HELZ2: variants seen among roughly 807,000 people sequenced by gnomAD.
HELZ2 encodes the protein 3'-5' exoribonuclease HELZ2.
HELZ2 carries 143 observed loss-of-function variants against 208.8 expected under a neutral mutation model. That is an observed-to-expected ratio of 0.68 (90% CI 0.60 to 0.79). The LOEUF is 0.79. Ranked by LOEUF, HELZ2 falls within the 30% of genes least tolerant of loss-of-function variation. HELZ2 has a pLI of 0.00. For missense variants in HELZ2, 3,690 were observed against 3,794.5 expected (o/e 0.97, Z 0.72); for synonymous variants, 1,705 against 1,693.7 (o/e 1.01, Z -0.16).
At chr20:63,559,368 C>A in exon 19 of HELZ2, 1 of 1,593,352 alleles carries the variant, frequency 6.3e-7, no homozygotes, top group South Asian at 1.1e-5. Context: ...AGGAGGTGGT[C>A]TCCTGTGAGG....
chr20:63,559,623 GTCA>G, intron 18 of HELZ2, among the ~76,000 whole-genome samples: 1 of 83,904 alleles, frequency 1.2e-5, no homozygotes, highest in Admixed American at 9.5e-5. Flanking sequence ...ATGGGAGTCA[GTCA>G]GAGTCAGGTG....
intron 17 of HELZ2, 30 bp from the exon 19 acceptor site, chr20:63,560,125 C>A: frequency 6.4e-7 from 1 of 1,558,522 alleles, no homozygotes; most frequent in South Asian, 1.2e-5. Flanking sequence ...GCCCTGCTGC[C>A]GCTGCGCCCA....
chr20:63,573,938 C>T (rs2083035263), upstream of HELZ2, among the ~76,000 whole-genome samples: 4 of 152,196 alleles, frequency 2.6e-5, no homozygotes, highest in South Asian at 2.1e-4. The surrounding 1 kb of genome is among the most constrained non-coding windows in gnomAD (Gnocchi z 4.9). Context: ...CAAAATCCTG[C>T]GCTCCAGTGG....
chr20:63,565,704 C>T (rs756974759), exon 8 of HELZ2: 1 of 1,607,950 alleles, frequency 6.2e-7, no homozygotes, highest in South Asian at 1.1e-5. Context: ...GCTCCTGCCG[C>T]ACAGGCCCCG....
At position 63,561,753 on chromosome 20, in the gene HELZ2, T is replaced by C; in HGVS notation, c.6692-8A>G. On this transcript the variant is annotated splice_region_variant and splice_polypyrimidine_tract_variant and intron_variant, in intron 11 of 18. Transcript: ENST00000467148. ...TCCTTCTCAGGAGCAGTCCTGAGGG[T>C]AGTTGGGGGACGTGAGTCCTGCCCC... The C allele has an allele frequency of 6.3e-7, 1 of 1,585,904 alleles. No individual in the cohort carries two copies. The highest frequency in any genetic ancestry group is 8.6e-7 in the Non-Finnish European group (1 of 1,163,740).
At chr20:63,561,145 C>T in exon 14 of HELZ2, 1 of 1,613,038 alleles carries the variant, frequency 6.2e-7, no homozygotes, top group Non-Finnish European at 8.5e-7. Flanking sequence ...CCATGCCTGC[C>T]TCGTCAACAA....
At chr20:63,572,142 G>C (rs868302476) in exon 1 of HELZ2, 1 of 1,611,568 alleles carries the variant, frequency 6.2e-7, no homozygotes. Flanking sequence ...AGTCCCGGGG[G>C]TGGGGAACGG....
chr20:63,560,250 C>T lies in HELZ2; in HGVS notation c.7578G>A (p.Ala2526=), dbSNP rs112998390. ...GGGCCTTGCTGATCTCAGAGGCCTG[C>T]GCGTTGTAGGGCGTGAGGACGGCGA... is the stretch of plus-strand genomic sequence containing the variant. The change falls in exon 17 of 19, where the codon GCG becomes GCA. Residue 2526 remains alanine, a synonymous_variant. Transcript: ENST00000467148. The T allele has an allele frequency of 5.3e-4, 835 of 1,560,932 alleles. 2 individuals are homozygous for T. The African/African-American group carries it at 8.9e-3, about 17-fold the overall frequency.
exon 8 of HELZ2, chr20:63,563,089 G>C: frequency 6.3e-7 from 1 of 1,598,404 alleles, no homozygotes; most frequent in Non-Finnish European, 8.5e-7. Context: ...GCTCCAGGCA[G>C]AGGCTGAAGC....
At chr20:63,563,281 G>A (rs758097528) in exon 8 of HELZ2, 2 of 1,552,894 alleles carry the variant, frequency 1.3e-6, no homozygotes, top group Non-Finnish European at 8.6e-7. Context: ...CCTTCTCCTG[G>A]ATGAGAGCAG....
chr20:63,564,624 C>T lies in HELZ2; in HGVS notation c.4198G>A (p.Gly1400Ser), dbSNP rs774870231. 61 of 1,568,398 alleles carry T rather than the reference C, an allele frequency of 3.9e-5. No homozygotes were observed. The highest frequency in any genetic ancestry group is 1.9e-4 in the African/African-American group (14 of 73,986). The change falls in exon 8 of 19, where the codon GGC becomes AGC. Residue 1400 changes from glycine (G) to serine (S), a missense_variant. Transcript: ENST00000467148. ...GGCAGCATGGGCACTGGCTCCCTGC[C>T]GGGGGCATAGAACGCAGCGCCCTGC...
rs979236663 is a variant in HELZ2 at position 63,560,216 on chromosome 20, C to G, written c.7612G>C (p.Glu2538Gln). ...GACACGGCCACCCCGGCGATGCCCT[C>G]TCGCCGAAGGGCCTTGCTGATCTCA... Residue 2538 changes from glutamate to glutamine, a missense_variant, in exon 17 of 19, where the codon GAG becomes CAG. Glu to Gln is a conservative substitution (Grantham distance 29). This residue lies in a region of HELZ2 where 2,564 missense variants were observed against 2,580.5 expected (regional missense o/e 0.99). Transcript: ENST00000467148. 41 of 1,557,620 alleles carry G rather than the reference C, an allele frequency of 2.6e-5. No individual in the cohort carries two copies. The highest frequency in any genetic ancestry group is 3.5e-5 in the Non-Finnish European group (41 of 1,155,584).
At chr20:63,564,300 C>T (rs778386264) in exon 8 of HELZ2, 5 of 1,606,256 alleles carry the variant, frequency 3.1e-6, no homozygotes, top group Non-Finnish European at 4.2e-6. Context: ...TCCGGCTGCT[C>T]ATAGAAGCAG....
At chr20:63,574,207 C>T (rs1205811512), upstream of HELZ2, 2 of 151,704 alleles carry the variant, frequency 1.3e-5, no homozygotes, top group East Asian at 1.9e-4. Flanking sequence ...CCTGCCCTGC[C>T]GAGCCTGCCC....
At chr20:63,564,728 C>T in exon 8 of HELZ2, 2 of 1,610,998 alleles carry the variant, frequency 1.2e-6, no homozygotes, top group Non-Finnish European at 1.7e-6. Flanking sequence ...CACCTCGCAC[C>T]TGGGACCCAG....
In HELZ2 at chr20:63,561,955, T is replaced by C. The variant is rs369662922; in HGVS notation, c.6559A>G (p.Ile2187Val). The change falls in exon 11 of 19, where the codon ATC (isoleucine) becomes GTC (valine). Residue 2187 changes from isoleucine to valine, a missense_variant. Transcript: ENST00000467148. ...TTTGATTTATGAAACCAGAATACGA[T>C]GTGGAGGCCCACGATCGTCTTCCCT... 26 of 1,599,996 alleles carry C rather than the reference T, an allele frequency of 1.6e-5. No homozygotes were observed. The highest frequency in any genetic ancestry group is 1.5e-4 in the Admixed American group (9 of 58,476).
At chr20:63,574,174 C>G (rs1279173755), upstream of HELZ2, 1 of 151,496 alleles carries the variant, frequency 6.6e-6, no homozygotes, top group East Asian at 1.9e-4. Context: ...CCTGGGACCC[C>G]CGCGCTCACC....
chr20:63,559,513 T>C, intron 18 of HELZ2, 143 bp from the exon 20 acceptor site: 1 of 313,322 alleles, frequency 3.2e-6, no homozygotes, highest in Non-Finnish European at 5.4e-6. Context: ...CAGGGTCAGA[T>C]GGGAGTCAGT....
exon 15 of HELZ2, chr20:63,560,814 A>G: frequency 3.1e-6 from 5 of 1,612,632 alleles, no homozygotes; most frequent in Middle Eastern, 1.6e-4. Flanking sequence ...CTGAGTGTCC[A>G]GCATATGTGC....
Sources: allele counts gnomAD v4.1 joint callset (sites outside exome capture counted in the v4.1 genomes callset), GRCh38; gene constraint gnomAD v4.1.1; regional missense constraint gnomAD v4.1.1; non-coding constraint Gnocchi (gnomAD v3.1); transcripts MANE v1.5; gene names NCBI Gene and HGNC (gene_info 2026-07-23, HGNC 2026-07-21).